MYO9A: variants seen among roughly 807,000 people sequenced by gnomAD.
The protein encoded by MYO9A is myosin IXA.
In MYO9A, 103 loss-of-function variants were observed where a neutral mutation model predicts 293.3. The ratio of observed to expected loss-of-function variants is 0.35; its 90% CI spans 0.30 to 0.41. The LOEUF is 0.41. Among genes scored for constraint, MYO9A ranks in the 10% least tolerant of loss-of-function variants. The pLI is 1.00. For missense variants in MYO9A, 2,685 were observed against 3,033.0 expected (o/e 0.89, Z 2.69); for synonymous variants, 1,001 against 1,035.7 (o/e 0.97, Z 0.64).
chr15:72,041,137 T>G, intron 2 of MYO9A: 1 of 698,348 alleles, frequency 1.4e-6, no homozygotes, highest in Non-Finnish European at 2.5e-6. Flanking sequence ...CCCACCTATT[T>G]GGGAGGCTGA....
At chr15:71,944,522 A>T (rs1395576068) in intron 15 of MYO9A, among the ~76,000 whole-genome samples, 1 of 152,176 alleles carries the variant, frequency 6.6e-6, no homozygotes, top group East Asian at 1.9e-4. Flanking sequence ...TTCAAAATTA[A>T]CTTACATGTA....
chr15:72,004,341 T>C (rs2076956361), intron 8 of MYO9A, among the ~76,000 whole-genome samples: 1 of 152,216 alleles, frequency 6.6e-6, no homozygotes, highest in African/African-American at 2.4e-5. Flanking sequence ...GTGGATCACC[T>C]GAGGTCAGGA....
At chr15:72,114,689 G>A (rs2151203564) in intron 1 of MYO9A, 1 of 152,324 alleles carries the variant, frequency 6.6e-6, no homozygotes, top group Admixed American at 6.5e-5. Context: ...GAATCAAAGT[G>A]GTGATATCCA....
chr15:72,043,826 C>T (rs529926276), intron 2 of MYO9A, among the ~76,000 whole-genome samples: 10 of 152,056 alleles, frequency 6.6e-5, no homozygotes, highest in African/African-American at 1.9e-4. Context: ...TTTAAATATA[C>T]GCAGTTTACT....
At position 71,827,052 on chromosome 15, in the gene MYO9A, A is replaced by G. The variant is rs1239085643; in HGVS notation, c.7184-9T>C. 3 of 1,540,476 alleles carry G rather than the reference A, an allele frequency of 1.9e-6. 1 individual carries two copies. The highest frequency in any genetic ancestry group is 3.5e-4 in the Middle Eastern group (2 of 5,750). On this transcript the variant is annotated splice_polypyrimidine_tract_variant and intron_variant, in intron 41 of 41. Transcript: ENST00000356056. ...AAGGGCTAAGCTTCTTTCTAATGCA[A>G]AAAAGAGACCAAAGATGTAAATGAC... is the stretch of plus-strand genomic sequence containing the variant.
chr15:72,017,010 CTTTTTTTTT>C lies in MYO9A; in HGVS notation c.1155+2020_1155+2028del, dbSNP rs61153023. Among the ~76,000 whole-genome samples the C allele has an allele frequency of 3.0e-3, 172 of 58,300 alleles. 1 individual carries two copies. The highest frequency in any genetic ancestry group is 9.4e-3 in the African/African-American group (151 of 16,136). 38.2% of individuals were successfully genotyped at this position (58,300 alleles called of 152,430 possible). On this transcript the variant is annotated intron_variant, in intron 6 of 41. Transcript: ENST00000356056. ...GGTCATTCTGCTTCAGAGCCCAAAT[CTTTTTTTTT>C]TTTTTTTTTTTTTTTTTTTGAAATA...
Position 72,080,307 on chromosome 15 carries a change from CTT to C in MYO9A, c.-71-33675_-71-33674del, listed in dbSNP as rs374292426. ...CAATCAATAAACTAACCATGCTTCT[CTT>C]TTTTTTTTTTTTTTTTGGTAAATGT... On this transcript the variant is annotated intron_variant, in intron 1 of 41. Coordinates refer to ENST00000356056, the MANE Select transcript of MYO9A (RefSeq NM_006901.4). Among the ~76,000 whole-genome samples the C allele has an allele frequency of 6.3e-3, 803 of 127,326 alleles. 10 individuals are homozygous for C. Among genetic ancestry groups the C allele is most frequent in the African/African-American group, 0.022 (746 of 34,418 alleles). 83.5% of individuals were successfully genotyped at this position (127,326 alleles called of 152,430 possible). A position where few individuals can be genotyped will look rare whatever the true frequency, so the allele number is the denominator to read the frequency against.
At chr15:71,910,101 CGTATATAT>C (rs2057790447) in intron 19 of MYO9A, among the ~76,000 whole-genome samples, 1 of 137,786 alleles carries the variant, frequency 7.3e-6, no homozygotes. Flanking sequence ...TATATATATA[CGTATATAT>C]ATACGTGTAT....
At chr15:71,947,342 T>C (rs2058942002) in intron 15 of MYO9A, among the ~76,000 whole-genome samples, 2 of 151,732 alleles carry the variant, frequency 1.3e-5, no homozygotes, top group African/African-American at 2.4e-5. Flanking sequence ...TGGAGTCTAA[T>C]ATGCTCTTTT....
chr15:71,998,160 T>A lies in MYO9A; in HGVS notation c.1470+1691A>T, dbSNP rs147909707. ...CAGCATAAATAAGAAGAAAACCACG[T>A]CCTTTGCAGGAATTTGGATGAAGCT... On this transcript the variant is annotated intron_variant, in intron 9 of 41. Transcript: ENST00000356056. 1.5e-3 allele frequency among the ~76,000 whole-genome samples: 222 copies of A among 152,278 alleles called. 1 individual carries two copies. Among genetic ancestry groups the A allele is most frequent in the Non-Finnish European group, 1.6e-3 (108 of 68,022 alleles).
At chr15:71,856,205 G>C (rs1359710665) in intron 34 of MYO9A, among the ~76,000 whole-genome samples, 1 of 152,008 alleles carries the variant, frequency 6.6e-6, no homozygotes, top group African/African-American at 2.4e-5. Flanking sequence ...CAGCTACTCA[G>C]GAGGCTGAGG....
intron 1 of MYO9A, among the ~76,000 whole-genome samples, chr15:72,067,999 A>C (rs1025829557): frequency 6.6e-6 from 1 of 152,226 alleles, no homozygotes; most frequent in Non-Finnish European, 1.5e-5. Context: ...AAACCTTAGA[A>C]TTCTTAGTGA....
intron 3 of MYO9A, among the ~76,000 whole-genome samples, chr15:72,030,834 A>T (rs2077841944): frequency 6.6e-6 from 1 of 152,110 alleles, no homozygotes; most frequent in South Asian, 2.1e-4. Context: ...CTTCCTATAC[A>T]TACATACCTA....
intron 13 of MYO9A, among the ~76,000 whole-genome samples, chr15:71,962,473 A>G (rs2075770422): frequency 6.6e-6 from 1 of 152,160 alleles, no homozygotes; most frequent in African/African-American, 2.4e-5. Context: ...GTCCTTACAT[A>G]CCCTTAGAGC....
rs1156931170 is a variant in MYO9A, at chr15:71,888,110, G to C, written c.5149C>G (p.Gln1717Glu). The C allele has an allele frequency of 6.4e-7, 1 of 1,573,506 alleles. No homozygotes were observed. The highest frequency in any genetic ancestry group is 8.7e-7 in the Non-Finnish European group (1 of 1,146,678). ...TGTTCATCAACTGACGAAAATCGCT[G>C]TGATGTCTGTAATAATTACATATGT... ...LAGPGQRETSQRFSSVDEQAK... is the reference protein window; with the variant it reads ...LAGPGQRETSERFSSVDEQAK... Residue 1717 changes from glutamine to glutamate, a missense_variant, in exon 27 of 42, where the codon CAG becomes GAG. Coordinates refer to ENST00000356056, the MANE Select transcript of MYO9A (RefSeq NM_006901.4).
At chr15:71,875,560 T>A (rs535251282) in intron 32 of MYO9A, among the ~76,000 whole-genome samples, 4 of 152,174 alleles carry the variant, frequency 2.6e-5, no homozygotes, top group Admixed American at 6.5e-5. Flanking sequence ...TAATATTTTT[T>A]CTTTCATGAG....
In MYO9A at chr15:71,826,009, GTTTTTT is replaced by G. The variant is rs1158678203; in HGVS notation, c.*565_*570del. 1 of 64,198 alleles carries G rather than the reference GTTTTTT, an allele frequency of 1.6e-5. No individual in the cohort carries two copies. Among genetic ancestry groups the G allele is most frequent in the African/African-American group, 6.1e-5 (1 of 16,374 alleles). The allele number at this position is 64,198 out of a possible 1,614,324, so 4.0% of individuals were successfully genotyped here. Reference sequence around the variant, plus strand: ...GGTTTTTTTTTGTTTTTTTTTTTTTGTTTTTTTTTTTTGTTTTTGCTTTCCCCAGAA... The same window carrying G: ...GGTTTTTTTTTGTTTTTTTTTTTTTGTTTTTTGTTTTTGCTTTCCCCAGAA... On this transcript the variant is annotated 3_prime_UTR_variant, in exon 42 of 42. Transcript: ENST00000356056.
chr15:72,000,216 T>TA (rs2076824643), intron 8 of MYO9A, among the ~76,000 whole-genome samples: 1 of 152,174 alleles, frequency 6.6e-6, no homozygotes, highest in Admixed American at 6.5e-5. Flanking sequence ...TAGAATAGTA[T>TA]AAAAAACATT....
intron 18 of MYO9A, among the ~76,000 whole-genome samples, chr15:71,929,839 G>C (rs1386469455): frequency 6.6e-6 from 1 of 152,176 alleles, no homozygotes; most frequent in Non-Finnish European, 1.5e-5. Flanking sequence ...GGTTGAATGG[G>C]AGTTCAACTC....
Sources: gnomAD v4.1 joint callset for allele counts (sites outside exome capture counted in the v4.1 genomes callset) on GRCh38, gnomAD v4.1.1 for gene constraint, MANE v1.5 for transcripts, NCBI Gene and HGNC (gene_info 2026-07-23, HGNC 2026-07-21) for gene names.